The following CADM1 variants were observed in gnomAD, a reference collection of about 807,000 sequenced individuals.
CADM1 encodes TSLC-1.
A neutral mutation model predicts 53.1 loss-of-function variants in CADM1; 15 were observed. That is an observed-to-expected ratio of 0.28 (90% CI 0.19 to 0.44). The LOEUF is 0.44. Among genes scored for constraint, CADM1 ranks in the 20% least tolerant of loss-of-function variants. The pLI, the probability that CADM1 is intolerant of heterozygous loss-of-function variation, is 1.00. For synonymous variants in CADM1, 281 were observed against 243.0 expected, an observed-to-expected ratio of 1.16 and a Z score of -1.45; for missense variants, 434 against 611.3, an observed-to-expected ratio of 0.71 and a Z score of 3.06.
At chr11:115,183,751 C>CCT (rs1565283222) in intron 10 of CADM1, among the ~76,000 whole-genome samples, 3 of 152,180 alleles carry the variant, frequency 2.0e-5, no homozygotes. Context: ...AGCAACATGG[C>CCT]GCTTAAACGC....
intron 1 of CADM1, among the ~76,000 whole-genome samples, chr11:115,257,281 C>CT (rs1303737555): frequency 3.3e-5 from 5 of 152,024 alleles, no homozygotes; most frequent in Non-Finnish European, 4.4e-5. Context: ...GCACCTTATA[C>CT]TTGGGATATA....
chr11:115,194,430 G>A (rs1195898998), intron 9 of CADM1, among the ~76,000 whole-genome samples: 2 of 152,198 alleles, frequency 1.3e-5, no homozygotes, highest in African/African-American at 2.4e-5. Context: ...CGTAGGGTAC[G>A]AGCATGTAGC....
At chr11:115,275,675 G>A (rs561356983) in intron 1 of CADM1, among the ~76,000 whole-genome samples, 1 of 152,298 alleles carries the variant, frequency 6.6e-6, no homozygotes, top group Non-Finnish European at 1.5e-5. Flanking sequence ...AGAGATTTTA[G>A]AGGGGTTGGA....
chr11:115,488,666 C>T (rs1200128764), intron 1 of CADM1, among the ~76,000 whole-genome samples: 1 of 152,220 alleles, frequency 6.6e-6, no homozygotes, highest in Non-Finnish European at 1.5e-5. Context: ...CCCTCTTCTA[C>T]ACAAGACCAA....
At chr11:115,475,605 TGATA>T (rs940792071) in intron 1 of CADM1, among the ~76,000 whole-genome samples, 5 of 152,180 alleles carry the variant, frequency 3.3e-5, no homozygotes, top group African/African-American at 9.7e-5. Flanking sequence ...AATGAACAAC[TGATA>T]GATAGGTACA....
At chr11:115,496,146 T>C (rs1316618181) in intron 1 of CADM1, among the ~76,000 whole-genome samples, 2 of 152,206 alleles carry the variant, frequency 1.3e-5, no homozygotes, top group African/African-American at 4.8e-5. Context: ...ACGAAAATCA[T>C]GGCCATAATA....
intron 1 of CADM1, among the ~76,000 whole-genome samples, chr11:115,304,109 T>G (rs1944303165): frequency 6.6e-6 from 1 of 152,112 alleles, no homozygotes; most frequent in South Asian, 2.1e-4. Context: ...AAATGCTGCA[T>G]GTGCTTTATA....
chr11:115,189,649 TG>T (rs1297915296), intron 10 of CADM1, among the ~76,000 whole-genome samples: 1 of 152,178 alleles, frequency 6.6e-6, no homozygotes, highest in East Asian at 1.9e-4. Context: ...TGGCAAAAAA[TG>T]AAACACTCTC....
At chr11:115,481,664 T>C (rs376053028) in intron 1 of CADM1, among the ~76,000 whole-genome samples, 2 of 152,136 alleles carry the variant, frequency 1.3e-5, no homozygotes, top group East Asian at 3.8e-4. Context: ...AAATTTCCTG[T>C]CTTAGTTACT....
intron 10 of CADM1, among the ~76,000 whole-genome samples, chr11:115,185,972 G>T (rs1445268577): frequency 3.3e-5 from 5 of 152,170 alleles, no homozygotes; most frequent in Admixed American, 1.3e-4. Context: ...CACACTCACC[G>T]TGGCCTGCCA....
chr11:115,254,448 T>G (rs1942708748), intron 1 of CADM1, among the ~76,000 whole-genome samples: 3 of 152,226 alleles, frequency 2.0e-5, no homozygotes, highest in Admixed American at 2.0e-4. Context: ...TCGGGGATTT[T>G]CACAAGACTC....
chr11:115,373,583 C>CAAAAAAAAAAAAA (rs35059216), intron 1 of CADM1, among the ~76,000 whole-genome samples: 2 of 48,824 alleles, frequency 4.1e-5, no homozygotes, highest in African/African-American at 1.1e-4. Flanking sequence ...GACTCTGTCT[C>CAAAAAAAAAAAAA]AAAAAAAAAA....
At chr11:115,280,705 T>C (rs1943563537) in intron 1 of CADM1, among the ~76,000 whole-genome samples, 1 of 152,192 alleles carries the variant, frequency 6.6e-6, no homozygotes, top group Admixed American at 6.5e-5. Context: ...TGTATCTCCA[T>C]CAACAGAATT....
intron 1 of CADM1, among the ~76,000 whole-genome samples, chr11:115,275,273 CA>C (rs1031051468): frequency 2.6e-5 from 4 of 152,148 alleles, no homozygotes; most frequent in African/African-American, 9.7e-5. Context: ...CTTGGCTGCC[CA>C]ATCAATTCCA....
chr11:115,387,322 T>C (rs1363444025), intron 1 of CADM1, among the ~76,000 whole-genome samples: 1 of 152,126 alleles, frequency 6.6e-6, no homozygotes, highest in African/African-American at 2.4e-5. Flanking sequence ...AGCATATTAG[T>C]GTTCCACATA....
chr11:115,369,262 A>G (rs1432010877), intron 1 of CADM1, among the ~76,000 whole-genome samples: 1 of 152,070 alleles, frequency 6.6e-6, no homozygotes, highest in Non-Finnish European at 1.5e-5. Flanking sequence ...CTCCAAGGGC[A>G]CCTTCATATA....
At chr11:115,444,524 G>A (rs1419794133) in intron 1 of CADM1, among the ~76,000 whole-genome samples, 1 of 152,046 alleles carries the variant, frequency 6.6e-6, no homozygotes, top group Non-Finnish European at 1.5e-5. Context: ...ATCTTTTTCC[G>A]AACAGTGAAA....
intron 9 of CADM1, among the ~76,000 whole-genome samples, chr11:115,196,337 T>C: frequency 6.6e-6 from 1 of 152,112 alleles, no homozygotes; most frequent in East Asian, 1.9e-4. Flanking sequence ...CTACTTCGAA[T>C]AGCCTATCCA....
In CADM1 at chr11:115,281,635, A is replaced by C. The variant is rs1943586926; in HGVS notation, c.125-41215T>G. Among the ~76,000 whole-genome samples, 5 of 152,292 alleles carry C rather than the reference A, an allele frequency of 3.3e-5. No homozygotes were observed. In the South Asian group the frequency reaches 1.0e-3, roughly 32 times the overall value. Reference sequence around the variant, plus strand: ...TTCTTCAAGGAAATCATTTAGTTCTATGAGAGTTTAAAATGAGTCTGCTAA... The same window carrying C: ...TTCTTCAAGGAAATCATTTAGTTCTCTGAGAGTTTAAAATGAGTCTGCTAA... On this transcript the variant is annotated intron_variant, in intron 1 of 11. Transcript: ENST00000331581.
Sources: gnomAD v4.1 joint callset for allele counts (sites outside exome capture counted in the v4.1 genomes callset) on GRCh38, gnomAD v4.1.1 for gene constraint, MANE v1.5 for transcripts, NCBI Gene and HGNC (gene_info 2026-07-23, HGNC 2026-07-21) for gene names.